MTHFD1: variants seen among roughly 807,000 people sequenced by gnomAD.
MTHFD1 encodes methylenetetrahydrofolate dehydrogenase, cyclohydrolase and formyltetrahydrofolate synthetase 1.
A neutral mutation model predicts 110.3 loss-of-function variants in MTHFD1; 44 were observed. That is an observed-to-expected ratio of 0.40 (90% CI 0.31 to 0.51). The LOEUF is 0.51. Ranked by LOEUF, MTHFD1 falls within the 20% of genes least tolerant of loss-of-function variation. MTHFD1 has a pLI of 0.60. For missense variants in MTHFD1, 909 were observed against 1,173.1 expected (o/e 0.77, Z 3.29); for synonymous variants, 402 against 428.8 (o/e 0.94, Z 0.77).
chr14:64,441,412 A>G lies in MTHFD1; in HGVS notation c.1843A>G (p.Met615Val). ...GGTGAGTGGTGCACTGACAGTGCTT[A>G]TGAAGGACGCAATCAAGCCCAATCT... ...LGVSGALTVL[M>V]KDAIKPNLMQ... The change falls in exon 19 of 28, where the codon ATG becomes GTG. Residue 615 changes from methionine (M) to valine (V), a missense_variant. By Grantham distance (21) the Met-to-Val change is conservative (BLOSUM62 1). Coordinates refer to ENST00000652337, the MANE Select transcript of MTHFD1 (RefSeq NM_005956.4). 3 of 1,614,130 alleles carry G rather than the reference A, an allele frequency of 1.9e-6. No individual in the cohort carries two copies. Among genetic ancestry groups the G allele is most frequent in the Non-Finnish European group, 2.5e-6 (3 of 1,180,000 alleles).
rs1264862456 is a variant in MTHFD1, at chr14:64,417,643, A to G, written c.479-245A>G. 2.6e-5 allele frequency among the ~76,000 whole-genome samples: 4 copies of G among 152,152 alleles called. No individual in the cohort carries two copies. The highest frequency in any genetic ancestry group is 5.9e-5 in the Non-Finnish European group (4 of 68,028). On this transcript the variant is annotated intron_variant, in intron 6 of 27. Coordinates refer to ENST00000652337, the MANE Select transcript of MTHFD1 (RefSeq NM_005956.4). The surrounding 1 kb of genome is among the most constrained non-coding windows in gnomAD (Gnocchi z 4.4). ...TTTCTTCCCACTCCCCTATGACTCA[A>G]TGAATGATCTTGGCTTAAGCTGCTC...
intron 21 of MTHFD1, 135 bp from the exon 22 acceptor site, chr14:64,444,558 G>A (rs1382064909): frequency 7.1e-6 from 7 of 983,786 alleles, no homozygotes; most frequent in African/African-American, 4.8e-5. Flanking sequence ...TAAGTCCTTA[G>A]GGCAGGAAAT....
chr14:64,420,494 A>T (rs1032515175), intron 8 of MTHFD1, among the ~76,000 whole-genome samples: 1 of 152,076 alleles, frequency 6.6e-6, no homozygotes, highest in Non-Finnish European at 1.5e-5. Context: ...GCAAGTCTGA[A>T]GCCTTTTAGT....
At chr14:64,423,803 T>G (rs1311947520) in intron 8 of MTHFD1, among the ~76,000 whole-genome samples, 1 of 151,788 alleles carries the variant, frequency 6.6e-6, no homozygotes, top group Non-Finnish European at 1.5e-5. Context: ...CTCCGCTCAC[T>G]GCAAGCTCCG....
At chr14:64,411,886 A>G (rs2077988180) in intron 3 of MTHFD1, among the ~76,000 whole-genome samples, 1 of 151,968 alleles carries the variant, frequency 6.6e-6, no homozygotes, top group Non-Finnish European at 1.5e-5. Flanking sequence ...GGGCAATAAG[A>G]GTGAAGCTCC....
At chr14:64,424,696 A>C in intron 8 of MTHFD1, 108 bp from the exon 9 acceptor site, 1 of 1,215,064 alleles carries the variant, frequency 8.2e-7, no homozygotes, top group Non-Finnish European at 1.2e-6. Context: ...TAGGCACTGG[A>C]GCCTGATGGG....
intron 15 of MTHFD1, among the ~76,000 whole-genome samples, chr14:64,432,558 C>G (rs2078168319): frequency 6.6e-6 from 1 of 152,176 alleles, no homozygotes; most frequent in African/African-American, 2.4e-5. Flanking sequence ...CAAGCAACAA[C>G]TTGGATGAAT....
chr14:64,418,030 G>A lies in MTHFD1; in HGVS notation c.615+6G>A. The A allele has an allele frequency of 6.2e-7, 1 of 1,614,178 alleles. No individual in the cohort carries two copies. Among genetic ancestry groups the A allele is most frequent in the African/African-American group, 1.3e-5 (1 of 75,052 alleles). ...CTGCCCATCTGGATGAGGAGGTAGG[G>A]TGTCCAGAGGAGAGGTAAAGGTGTT... On this transcript the variant is annotated splice_donor_region_variant and intron_variant, in intron 7 of 27. Coordinates refer to ENST00000652337, the MANE Select transcript of MTHFD1 (RefSeq NM_005956.4).
At chr14:64,440,411 A>G in intron 18 of MTHFD1, 145 bp downstream of exon 18, 1 of 1,015,342 alleles carries the variant, frequency 9.8e-7, no homozygotes, top group Non-Finnish European at 1.5e-6. Context: ...GCTAATTACA[A>G]GATAATTATG....
chr14:64,412,634 A>ATTTTT (rs10678665), intron 4 of MTHFD1, 109 bp downstream of exon 4: 20 of 480,674 alleles, frequency 4.2e-5, no homozygotes, highest in East Asian at 7.3e-5. Context: ...ACCTCCAGGT[A>ATTTTT]TTTTTTTTTT....
Position 64,439,146 on chromosome 14 carries a change from C to G in MTHFD1, c.1648C>G (p.Pro550Ala). The G allele has an allele frequency of 6.2e-7, 1 of 1,614,024 alleles. No homozygotes were observed. The highest frequency in any genetic ancestry group is 8.5e-7 in the Non-Finnish European group (1 of 1,179,908). ...FLRKITIGQA[P>A]TEKGHTRTAQ... ...GAGGAAGATCACGATTGGACAGGCT[C>G]CAACGGAGAAGGGTCACACACGGAC... Residue 550 changes from proline (P) to alanine (A), a missense_variant, in exon 17 of 28, where the codon CCA becomes GCA. Pro to Ala is a conservative substitution (Grantham distance 27). Coordinates refer to ENST00000652337, the MANE Select transcript of MTHFD1 (RefSeq NM_005956.4).
intron 18 of MTHFD1, 71 bp from the exon 19 acceptor site, chr14:64,441,314 T>C (rs1240348711): frequency 7.1e-7 from 1 of 1,408,496 alleles, no homozygotes. Context: ...GCCTAGAATG[T>C]CAAATATTGG....
chr14:64,440,267 G>A lies in MTHFD1; in HGVS notation c.1815+1G>A. Reference sequence around the variant, plus strand: ...AGAGCCCGTCAGTGCCGAAGATCTGGTGGGTACCCAGACACGCCAGGCTTG... The same window carrying A: ...AGAGCCCGTCAGTGCCGAAGATCTGATGGGTACCCAGACACGCCAGGCTTG... On this transcript the variant is annotated splice_donor_variant, in intron 18 of 27. Transcript: ENST00000652337. LOFTEE classifies it high-confidence loss of function. 1 of 1,614,236 alleles carries A rather than the reference G, an allele frequency of 6.2e-7. No individual in the cohort carries two copies.
At chr14:64,436,348 G>C (rs1029257304) in intron 16 of MTHFD1, among the ~76,000 whole-genome samples, 4 of 151,952 alleles carry the variant, frequency 2.6e-5, no homozygotes, top group African/African-American at 9.7e-5. Context: ...CCCACCTCAG[G>C]CTCCCAAAGT....
rs370094944 is a variant in MTHFD1 at position 64,454,914 on chromosome 14, A to T, written c.2718+39A>T. Reference sequence around the variant, plus strand: ...GCAAGGGAGTAGTGGGCGCATCTGCACTTCTCGTCTGAAGTGTGTTGCCGA... The same window carrying T: ...GCAAGGGAGTAGTGGGCGCATCTGCTCTTCTCGTCTGAAGTGTGTTGCCGA... On this transcript the variant is annotated intron_variant, in intron 26 of 27. Coordinates refer to ENST00000652337, the MANE Select transcript of MTHFD1 (RefSeq NM_005956.4). 7 of 1,608,342 alleles carry T rather than the reference A, an allele frequency of 4.4e-6. No individual in the cohort carries two copies. In the South Asian group the frequency reaches 7.7e-5, roughly 18 times the overall value.
At chr14:64,395,502 G>A (rs924970316) in intron 1 of MTHFD1, among the ~76,000 whole-genome samples, 4 of 152,176 alleles carry the variant, frequency 2.6e-5, no homozygotes, top group African/African-American at 9.7e-5. Context: ...CCAGGACTCC[G>A]AAGGTTCTTT....
At chr14:64,420,021 G>A in intron 8 of MTHFD1, 96 bp downstream of exon 8, 1 of 892,578 alleles carries the variant, frequency 1.1e-6, no homozygotes, top group Middle Eastern at 2.2e-4. Context: ...CTCATTTTAT[G>A]CTTGTAGTAC....
intron 26 of MTHFD1, among the ~76,000 whole-genome samples, chr14:64,456,669 C>T (rs1029071412): frequency 3.4e-4 from 52 of 152,176 alleles, no homozygotes; most frequent in Admixed American, 6.5e-4. Flanking sequence ...AAGGACCCAT[C>T]CTTTCCTCTC....
chr14:64,425,837 A>G lies in MTHFD1; in HGVS notation c.953+10A>G. On this transcript the variant is annotated intron_variant, in intron 10 of 27. Coordinates refer to ENST00000652337, the MANE Select transcript of MTHFD1 (RefSeq NM_005956.4). ...AGACACCTGTTCCAAGGTAAAAATAAAGTTTTACTGATTTAAAACTTTGTG... is the reference window on the plus strand; with the variant it reads ...AGACACCTGTTCCAAGGTAAAAATAGAGTTTTACTGATTTAAAACTTTGTG... 1 of 1,610,608 alleles carries G rather than the reference A, an allele frequency of 6.2e-7. No individual in the cohort carries two copies. Among genetic ancestry groups the G allele is most frequent in the East Asian group, 2.2e-5 (1 of 44,848 alleles).
Sources: gnomAD v4.1 joint callset for allele counts (sites outside exome capture counted in the v4.1 genomes callset) on GRCh38, gnomAD v4.1.1 for gene constraint, Gnocchi (gnomAD v3.1) non-coding constraint, MANE v1.5 for transcripts, NCBI Gene and HGNC (gene_info 2026-07-23, HGNC 2026-07-21) for gene names.